ATP9B: variants seen among roughly 807,000 people sequenced by gnomAD.
ATP9B encodes the protein ATPase phospholipid transporting 9B, also known as probable phospholipid-transporting ATPase IIB.
In ATP9B, 110 loss-of-function variants were observed where a neutral mutation model predicts 146.1. The observed-to-expected ratio is 0.75, with a 90% CI of 0.65 to 0.88. The LOEUF (loss-of-function observed/expected upper bound fraction) is 0.88, where lower values mean the gene tolerates loss of function less well. ATP9B is among the 40% of genes least tolerant of loss of function. The probability of loss-of-function intolerance (pLI) is 0.00; values close to 1 mark genes in which losing one functional copy is unlikely to be tolerated. For synonymous variants in ATP9B, 604 were observed against 569.7 expected (o/e 1.06, Z -0.86); for missense variants, 1,499 against 1,496.4 (o/e 1.00, Z -0.03).
intron 11 of ATP9B, among the ~76,000 whole-genome samples, chr18:79,253,047 C>A (rs1185461409): frequency 1.3e-5 from 2 of 152,180 alleles, no homozygotes; most frequent in African/African-American, 2.4e-5. Context: ...TCCCCTGCTG[C>A]GCGCCGAGCA....
intron 9 of ATP9B, among the ~76,000 whole-genome samples, chr18:79,200,528 G>C (rs567237267): frequency 6.6e-6 from 1 of 152,198 alleles, no homozygotes; most frequent in East Asian, 1.9e-4. Flanking sequence ...AGTGCACACA[G>C]AACATTTATT....
chr18:79,310,836 G>A (rs979439176), intron 15 of ATP9B, among the ~76,000 whole-genome samples: 8 of 151,922 alleles, frequency 5.3e-5, no homozygotes, highest in South Asian at 2.1e-4. Context: ...ATATATGCAC[G>A]CTAGCACCCC....
At chr18:79,190,978 T>G (rs1330465477) in intron 8 of ATP9B, among the ~76,000 whole-genome samples, 1 of 152,334 alleles carries the variant, frequency 6.6e-6, no homozygotes, top group South Asian at 2.1e-4. Flanking sequence ...TGCCTGATAT[T>G]GTTTCCCTCT....
intron 15 of ATP9B, among the ~76,000 whole-genome samples, chr18:79,311,596 C>T (rs1413731053): frequency 1.3e-5 from 2 of 152,204 alleles, no homozygotes; most frequent in Non-Finnish European, 2.9e-5. Flanking sequence ...TACTAACTTA[C>T]TCTAACCAAA....
At chr18:79,107,809 G>A (rs1214740311) in intron 2 of ATP9B, among the ~76,000 whole-genome samples, 1 of 152,220 alleles carries the variant, frequency 6.6e-6, no homozygotes, top group African/African-American at 2.4e-5. Flanking sequence ...CCTGTTGTCA[G>A]CTCAGTGAAT....
chr18:79,290,335 C>G (rs1401217504), intron 13 of ATP9B, among the ~76,000 whole-genome samples: 2 of 152,240 alleles, frequency 1.3e-5, no homozygotes, highest in Non-Finnish European at 2.9e-5. Flanking sequence ...CGCCCCTCCC[C>G]CAGCCTTGCT....
At chr18:79,323,079 A>T (rs920539653) in intron 15 of ATP9B, among the ~76,000 whole-genome samples, 7 of 152,046 alleles carry the variant, frequency 4.6e-5, no homozygotes, top group Non-Finnish European at 7.4e-5. Context: ...CACCTCAAGC[A>T]TTTATCGTTG....
At chr18:79,335,466 T>C (rs1301612895) in intron 17 of ATP9B, among the ~76,000 whole-genome samples, 1 of 152,248 alleles carries the variant, frequency 6.6e-6, no homozygotes, top group East Asian at 1.9e-4. Context: ...AAGTAGTGTT[T>C]TTTATTTTGA....
chr18:79,211,754 A>G (rs1435867974), intron 10 of ATP9B, among the ~76,000 whole-genome samples: 3 of 152,180 alleles, frequency 2.0e-5, no homozygotes, highest in Non-Finnish European at 4.4e-5. Context: ...GGTCCTGTTA[A>G]GAACTGGTTT....
chr18:79,141,691 A>G (rs919748147), intron 5 of ATP9B, among the ~76,000 whole-genome samples: 6 of 152,168 alleles, frequency 3.9e-5, no homozygotes, highest in African/African-American at 1.2e-4. Flanking sequence ...TGTGTGTTTT[A>G]TATGTGCCCA....
chr18:79,318,379 T>C (rs1245880656), intron 15 of ATP9B, among the ~76,000 whole-genome samples: 1 of 152,134 alleles, frequency 6.6e-6, no homozygotes, highest in Non-Finnish European at 1.5e-5. Context: ...ATGGTCTTCC[T>C]CCCCAGCCCC....
intron 7 of ATP9B, among the ~76,000 whole-genome samples, chr18:79,158,717 C>T (rs1471008095): frequency 5.3e-5 from 8 of 152,146 alleles, no homozygotes; most frequent in Non-Finnish European, 8.8e-5. Context: ...TGATTTCTAT[C>T]CTTTGAAGTT....
At chr18:79,182,056 C>T (rs755644905) in intron 8 of ATP9B, among the ~76,000 whole-genome samples, 10 of 152,296 alleles carry the variant, frequency 6.6e-5, no homozygotes, top group Non-Finnish European at 1.2e-4. Flanking sequence ...ATTAGTTAAA[C>T]AACTTGTGGG....
At chr18:79,150,029 C>T (rs2094659422) in intron 6 of ATP9B, among the ~76,000 whole-genome samples, 1 of 151,980 alleles carries the variant, frequency 6.6e-6, no homozygotes, top group African/African-American at 2.4e-5. Context: ...TGCAGTGAGC[C>T]AAGATTGCGC....
intron 12 of ATP9B, among the ~76,000 whole-genome samples, chr18:79,271,313 G>T (rs1158207661): frequency 6.6e-6 from 1 of 152,036 alleles, no homozygotes; most frequent in East Asian, 1.9e-4. Context: ...ATGTATACAT[G>T]TGTCATGTTG....
chr18:79,210,313 A>G (rs940247677), intron 10 of ATP9B, among the ~76,000 whole-genome samples: 1 of 152,242 alleles, frequency 6.6e-6, no homozygotes, highest in Non-Finnish European at 1.5e-5. Flanking sequence ...AAGGTTGACA[A>G]AAGTGTGACG....
chr18:79,366,943 C>T (rs2097033362), intron 26 of ATP9B, among the ~76,000 whole-genome samples: 1 of 152,248 alleles, frequency 6.6e-6, no homozygotes, highest in African/African-American at 2.4e-5. Flanking sequence ...TAGCACTGAA[C>T]ACCCTGCACA....
At chr18:79,370,348 CCTG>C (rs1203479359) in intron 26 of ATP9B, among the ~76,000 whole-genome samples, 2 of 152,128 alleles carry the variant, frequency 1.3e-5, no homozygotes, top group African/African-American at 4.8e-5. Context: ...GAGATTAAGT[CCTG>C]AGCCCAAGAA....
chr18:79,336,399 G>A (rs1181848453), intron 17 of ATP9B, among the ~76,000 whole-genome samples: 6 of 152,248 alleles, frequency 3.9e-5, no homozygotes, highest in South Asian at 4.1e-4. Flanking sequence ...TTTGCCTCTC[G>A]AGTGAAGGGG....
Sources: gnomAD v4.1 joint callset for allele counts (sites outside exome capture counted in the v4.1 genomes callset) on GRCh38, gnomAD v4.1.1 for gene constraint, MANE v1.5 for transcripts, NCBI Gene and HGNC (gene_info 2026-07-23, HGNC 2026-07-21) for gene names.